SERHL2: variants seen among roughly 807,000 people sequenced by gnomAD.
SERHL2 encodes serine hydrolase-like protein 2.
A neutral mutation model predicts 25.5 loss-of-function variants in SERHL2; 29 were observed. That is an observed-to-expected ratio of 1.14 (90% CI 0.85 to 1.55). The LOEUF (loss-of-function observed/expected upper bound fraction) is 1.55. Among genes scored for constraint, SERHL2 ranks in the 40% most tolerant of loss-of-function variants. The pLI is 0.00. For missense variants in SERHL2, 240 were observed against 252.3 expected (o/e 0.95, Z 0.33); for synonymous variants, 95 against 103.5 (o/e 0.92, Z 0.50).
intron 9 of SERHL2, among the ~76,000 whole-genome samples, chr22:42,570,695 T>G (rs1924047459): frequency 6.6e-6 from 1 of 152,114 alleles, no homozygotes; most frequent in African/African-American, 2.4e-5. Context: ...AGTTTCTTCC[T>G]CCTGGCAAGA....
At chr22:42,566,817 C>T (rs137041) in intron 9 of SERHL2, among the ~76,000 whole-genome samples, 19,324 of 150,952 alleles carry the variant, frequency 0.13, 79 homozygotes, top group African/African-American at 0.18. Context: ...CAAAAAACAG[C>T]GTCCCATCTG....
At chr22:42,559,061 C>CCACACACA (rs150843806) in intron 7 of SERHL2, among the ~76,000 whole-genome samples, 20 of 67,388 alleles carry the variant, frequency 3.0e-4, no homozygotes, top group Non-Finnish European at 4.3e-4. Context: ...GCACACACAC[C>CCACACACA]CACACACACA....
chr22:42,563,448 A>T (rs557388120), intron 8 of SERHL2: 1 of 442,794 alleles, frequency 2.3e-6, no homozygotes, highest in African/African-American at 2.0e-5. Context: ...AAGCGATCCT[A>T]CTGACTCGAC....
intron 9 of SERHL2, among the ~76,000 whole-genome samples, chr22:42,570,373 G>C (rs1007366148): frequency 6.6e-6 from 1 of 151,986 alleles, no homozygotes; most frequent in African/African-American, 2.4e-5. Context: ...AACTGAGATC[G>C]CGCCATTGCA....
chr22:42,573,571 C>G (rs1379411340), intron 11 of SERHL2: 3 of 233,654 alleles, frequency 1.3e-5, no homozygotes, highest in Non-Finnish European at 2.5e-5. Context: ...TGTCTGGCTT[C>G]TTGAAGGCAG....
chr22:42,564,417 C>A (rs2146705659), intron 8 of SERHL2, among the ~76,000 whole-genome samples: 1 of 150,550 alleles, frequency 6.6e-6, no homozygotes, highest in East Asian at 2.1e-4. Flanking sequence ...AAACTGAGGC[C>A]CGACACAGGA....
intron 8 of SERHL2, among the ~76,000 whole-genome samples, chr22:42,560,931 G>A (rs1472219216): frequency 1.3e-5 from 2 of 151,688 alleles, no homozygotes; most frequent in Admixed American, 6.6e-5. Context: ...CCTGCTACAG[G>A]CCCGGCTCAG....
chr22:42,571,134 T>C lies in SERHL2; in HGVS notation c.662T>C (p.Ile221Thr), dbSNP rs147855206. 5.6e-6 allele frequency: 9 copies of C among 1,613,276 alleles called. No individual in the cohort carries two copies. Among genetic ancestry groups the C allele is most frequent in the East Asian group, 2.2e-5 (1 of 44,876 alleles). The change falls in exon 10 of 12, where the codon ATT becomes ACT. Residue 221 changes from isoleucine to threonine, a missense_variant. Ile to Thr is a moderately conservative substitution (Grantham distance 89). Around this residue, in one of 4 missense-constraint regions of SERHL2, gnomAD observed 212 missense variants for 168.9 expected, o/e 1.25. Coordinates refer to ENST00000327678, the MANE Select transcript of SERHL2 (RefSeq NM_014509.5). ...DQRLAWAENS[I>T]DFISRELCAH... is the part of the protein sequence containing the mutation. ...TTGTCTCTGCAGGCAGAGAACAGCA[T>C]TGACTTCATCAGCAGGGAGCTGTGT...
rs201754646 is a variant in SERHL2, at chr22:42,567,715, TTTAATTTTA to T, written c.648+1381_648+1389del. 7.5e-4 allele frequency among the ~76,000 whole-genome samples: 100 copies of T among 132,998 alleles called. No homozygotes were observed. In the East Asian group the frequency reaches 0.091, roughly 121 times the overall value. 87.3% of individuals were successfully genotyped at this position (132,998 alleles called of 152,430 possible). A position where few individuals can be genotyped will look rare whatever the true frequency, so the allele number is the denominator to read the frequency against. The stretch of plus-strand genomic sequence containing the variant: ...AAAAAAAATAAAAGTTCGATTTTTC[TTTAATTTTA>T]TTATTATTATTATTATTATTATTGA... On this transcript the variant is annotated intron_variant, in intron 9 of 11. Coordinates refer to ENST00000327678, the MANE Select transcript of SERHL2 (RefSeq NM_014509.5).
intron 10 of SERHL2, chr22:42,571,975 C>G (rs1277157885): frequency 6.7e-6 from 1 of 148,940 alleles, no homozygotes; most frequent in African/African-American, 2.5e-5. Context: ...TGTGTGTCCG[C>G]GTAAGCTCAG....
At chr22:42,554,758 G>A (rs1922018635) in intron 1 of SERHL2, among the ~76,000 whole-genome samples, 180 bp from the exon 2 acceptor site, 1 of 150,656 alleles carries the variant, frequency 6.6e-6, no homozygotes, top group Admixed American at 6.6e-5. Flanking sequence ...TCCCTCCTCT[G>A]GGAGTCTCCA....
chr22:42,554,306 C>A (rs1921966224), intron 1 of SERHL2, among the ~76,000 whole-genome samples: 1 of 152,108 alleles, frequency 6.6e-6, no homozygotes, highest in Admixed American at 6.5e-5. Context: ...GCGCAAGTCT[C>A]CAGCCTTGCA....
intron 8 of SERHL2, among the ~76,000 whole-genome samples, chr22:42,563,994 A>AC (rs137031): frequency 1 from 151,716 of 151,744 alleles, 75,844 homozygotes; most frequent in Middle Eastern, 1. Flanking sequence ...AATCGCTTGA[A>AC]CCGGGAGGTG....
At position 42,570,263 on chromosome 22, in the gene SERHL2, A is replaced by G. The variant is rs547318027; in HGVS notation, c.649-858A>G. On this transcript the variant is annotated intron_variant, in intron 9 of 11. Transcript: ENST00000327678. ...ATGGTGAAACCCTGTCGCTACTAAA[A>G]ATACAAAATTAGGCCTGGTGGCGCA... Among the ~76,000 whole-genome samples the G allele has an allele frequency of 4.1e-4, 62 of 152,092 alleles. 3 individuals are homozygous for G. The highest frequency in any genetic ancestry group is 1.9e-4 in the East Asian group (1 of 5,186).
rs750518087 is a variant in SERHL2 at position 42,574,104 on chromosome 22, G to A, written c.*49G>A. 3 of 1,558,178 alleles carry A rather than the reference G, an allele frequency of 1.9e-6. No homozygotes were observed. In the South Asian group the frequency reaches 3.4e-5, roughly 18 times the overall value. On this transcript the variant is annotated 3_prime_UTR_variant, in exon 12 of 12. Coordinates refer to ENST00000327678, the MANE Select transcript of SERHL2 (RefSeq NM_014509.5). ...CCTAGTGCTCCCAGACTCAACACTG[G>A]GACTCTGAGTTCCTGAGCCCCACAA...
rs199630766 is a variant in SERHL2 at position 42,573,984 on chromosome 22, G to C, written c.874G>C (p.Glu292Gln). 1.9e-6 allele frequency: 3 copies of C among 1,608,686 alleles called. No individual in the cohort carries two copies. The highest frequency in any genetic ancestry group is 2.5e-6 in the Non-Finnish European group (3 of 1,176,614). Residue 292 changes from glutamate to glutamine, a missense_variant, in exon 12 of 12, where the codon GAA becomes CAA. Glu to Gln is a conservative substitution (Grantham distance 29). Coordinates refer to ENST00000327678, the MANE Select transcript of SERHL2 (RefSeq NM_014509.5). ...AGGCAATCACTGTGTCCACATGAGC[G>C]AACCCCAGCACGTGGCCAGTATCAT... is the stretch of plus-strand genomic sequence containing the variant. Reference protein sequence around the residue: ...VPGNHCVHMSEPQHVASIISS... With the variant: ...VPGNHCVHMSQPQHVASIISS...
chr22:42,565,492 A>C lies in SERHL2; in HGVS notation c.614-812A>C, dbSNP rs182356506. 2.8e-3 allele frequency among the ~76,000 whole-genome samples: 429 copies of C among 151,768 alleles called. 4 individuals carry two copies. Among genetic ancestry groups the C allele is most frequent in the Non-Finnish European group, 5.1e-3 (345 of 67,878 alleles). ...AGGCACCTGCCACTACGCCCAGCTA[A>C]TTTTTGTATTTTTAGTAGAGACCAG... is the stretch of plus-strand genomic sequence containing the variant. On this transcript the variant is annotated intron_variant, in intron 8 of 11. Coordinates refer to ENST00000327678, the MANE Select transcript of SERHL2 (RefSeq NM_014509.5).
rs764277899 is a variant in SERHL2, at chr22:42,554,038, A to G, written c.18A>G (p.Ala6=). ...CGAGAGCGATGAGTGAGAACGCCGC[A>G]CCAGGTCTGACGGGGAGGCCTTGTG... MSENA[A]PGLISELKLA... Residue 6 remains alanine (A), a synonymous_variant, in exon 1 of 12, where the codon GCA becomes GCG. Transcript: ENST00000327678. The G allele has an allele frequency of 2.6e-5, 42 of 1,613,562 alleles. No individual in the cohort carries two copies. In the South Asian group the frequency reaches 4.3e-4, roughly 16 times the overall value.
At chr22:42,570,771 A>G (rs896573479) in intron 9 of SERHL2, among the ~76,000 whole-genome samples, 3 of 152,100 alleles carry the variant, frequency 2.0e-5, no homozygotes, top group African/African-American at 7.2e-5. Context: ...GGGGTGTGGA[A>G]GGGCCACACC....
Sources: allele counts gnomAD v4.1 joint callset (sites outside exome capture counted in the v4.1 genomes callset), GRCh38; gene constraint gnomAD v4.1.1; regional missense constraint gnomAD v4.1.1; transcripts MANE v1.5; gene names NCBI Gene and HGNC (gene_info 2026-07-23, HGNC 2026-07-21).